The following KLRG1 variants were observed in gnomAD, a reference collection of about 807,000 sequenced individuals.
KLRG1 encodes killer cell lectin-like receptor subfamily G member 1.
Under a neutral mutation model 21.8 loss-of-function variants are expected in KLRG1, and 16 were observed. That is an observed-to-expected ratio of 0.73 (90% CI 0.50 to 1.11). The LOEUF (loss-of-function observed/expected upper bound fraction) is 1.11. Ranked by LOEUF, KLRG1 falls within the 50% of genes most tolerant of loss-of-function variation. The pLI, the probability that KLRG1 is intolerant of heterozygous loss-of-function variation, is 0.00. For missense variants in KLRG1, 173 were observed against 218.3 expected, an observed-to-expected ratio of 0.79 and a Z score of 1.31; for synonymous variants, 69 against 75.9, an observed-to-expected ratio of 0.91 and a Z score of 0.47.
chr12:9,098,582 AT>A, the KLRG1 span: 1 of 1,578,512 alleles, frequency 6.3e-7, no homozygotes. Context: ...GCCCTTCTTG[AT>A]TCCTGAGGCT....
chr12:9,008,736 C>T (rs1947550659), intron 3 of KLRG1, among the ~76,000 whole-genome samples: 1 of 152,202 alleles, frequency 6.6e-6, no homozygotes, highest in African/African-American at 2.4e-5. Flanking sequence ...GCCTCATCTA[C>T]ACCTAATTAC....
chr12:9,136,294 G>A, the KLRG1 span, among the ~76,000 whole-genome samples: 1 of 152,168 alleles, frequency 6.6e-6, no homozygotes, highest in African/African-American at 2.4e-5. Context: ...GAAATTGGAG[G>A]TCTGGTTTGT....
the KLRG1 span, among the ~76,000 whole-genome samples, chr12:9,129,874 A>G: frequency 2.0e-5 from 3 of 152,220 alleles, no homozygotes; most frequent in Non-Finnish European, 4.4e-5. Flanking sequence ...ACAGTTTAGT[A>G]GTGTAAAGTA....
chr12:9,169,341 A>G, the KLRG1 span: 3 of 1,266,486 alleles, frequency 2.4e-6, no homozygotes, highest in Non-Finnish European at 3.2e-6. Flanking sequence ...GCAAGGCTAC[A>G]TAATTACTAA....
At chr12:9,163,754 G>T in the KLRG1 span, 1 of 1,613,502 alleles carries the variant, frequency 6.2e-7, no homozygotes, top group Non-Finnish European at 8.5e-7. Context: ...TCTAAGGACT[G>T]CATTGCCTCT....
At chr12:9,134,268 T>A in the KLRG1 span, among the ~76,000 whole-genome samples, 1 of 152,204 alleles carries the variant, frequency 6.6e-6, no homozygotes, top group African/African-American at 2.4e-5. Context: ...AGTGCTTGAC[T>A]CCGGTCTCAA....
the KLRG1 span, chr12:9,162,521 G>T: frequency 1.0e-6 from 1 of 982,166 alleles, no homozygotes; most frequent in Non-Finnish European, 1.6e-6. Context: ...GAGATAAAAT[G>T]AATGTGCATT....
intron 3 of KLRG1, among the ~76,000 whole-genome samples, chr12:9,003,398 T>C (rs1947363948): frequency 6.6e-6 from 1 of 152,200 alleles, no homozygotes; most frequent in Admixed American, 6.5e-5. Flanking sequence ...AAATTTTATA[T>C]ACTTTGAATG....
intron 1 of KLRG1, among the ~76,000 whole-genome samples, chr12:8,955,938 CT>C (rs1946285014): frequency 6.6e-6 from 1 of 152,054 alleles, no homozygotes; most frequent in Non-Finnish European, 1.5e-5. Flanking sequence ...TCAAATGGTG[CT>C]TTTTCCAGGC....
the KLRG1 span, among the ~76,000 whole-genome samples, chr12:9,113,105 CT>C: frequency 0.54 from 78,311 of 143,784 alleles, 22,287 homozygotes; most frequent in African/African-American, 0.72. Flanking sequence ...GTCACATTTT[CT>C]TTTTTTTTTT....
the KLRG1 span, chr12:9,073,011 T>C: frequency 1.9e-5 from 12 of 644,352 alleles, no homozygotes; most frequent in East Asian, 2.7e-5. Flanking sequence ...AATTTCAAGA[T>C]TGATTATAAT....
the KLRG1 span, among the ~76,000 whole-genome samples, chr12:9,133,886 T>A: frequency 5.9e-5 from 9 of 152,236 alleles, no homozygotes; most frequent in Non-Finnish European, 1.3e-4. Flanking sequence ...ACAAGCAGCA[T>A]AGATCTAAAT....
chr12:9,127,499 T>TGAG, the KLRG1 span, among the ~76,000 whole-genome samples: 1 of 152,202 alleles, frequency 6.6e-6, no homozygotes, highest in Non-Finnish European at 1.5e-5. Flanking sequence ...TGCAGCTCCT[T>TGAG]GAACCGTTCT....
intron 2 of KLRG1, among the ~76,000 whole-genome samples, chr12:8,993,303 T>C (rs1947031682): frequency 6.6e-6 from 1 of 152,084 alleles, no homozygotes; most frequent in Non-Finnish European, 1.5e-5. Context: ...TTTTTAAAAA[T>C]TTTGAGACAG....
At chr12:9,152,801 G>A in the KLRG1 span, 2 of 1,606,792 alleles carry the variant, frequency 1.2e-6, no homozygotes, top group Non-Finnish European at 1.7e-6. Context: ...CCAAAGATAG[G>A]TGATTAGGTT....
chr12:9,186,186 A>T, the KLRG1 span, among the ~76,000 whole-genome samples: 1 of 152,188 alleles, frequency 6.6e-6, no homozygotes, highest in Admixed American at 6.5e-5. Context: ...GAGAAATAAG[A>T]TGCTTCTCAG....
At position 8,989,580 on chromosome 12, in the gene KLRG1, C is replaced by G; in HGVS notation, c.-56C>G. The G allele has an allele frequency of 8.7e-7, 1 of 1,144,150 alleles. No individual in the cohort carries two copies. The highest frequency in any genetic ancestry group is 1.3e-6 in the Non-Finnish European group (1 of 764,342). The allele number at this position is 1,144,150 out of a possible 1,614,324, so 70.9% of individuals were successfully genotyped here. A position where few individuals can be genotyped will look rare whatever the true frequency, so the allele number is the denominator to read the frequency against. On this transcript the variant is annotated 5_prime_UTR_variant, in exon 1 of 5. Transcript: ENST00000356986. ...GCTGTTTCCTCACTGATACATATCC[C>G]TTCACACTTCTATAATTTAACTCTC...
the KLRG1 span, among the ~76,000 whole-genome samples, chr12:9,040,701 C>T: frequency 1.4e-4 from 21 of 152,174 alleles, no homozygotes; most frequent in Non-Finnish European, 2.5e-4. Context: ...TCACTATTGT[C>T]TCTGGGGTTG....
chr12:9,029,884 G>A, the KLRG1 span, among the ~76,000 whole-genome samples: 1 of 152,082 alleles, frequency 6.6e-6, no homozygotes, highest in Non-Finnish European at 1.5e-5. Flanking sequence ...GGCCTCCCGA[G>A]TAGCTGGGAT....
Sources: gnomAD v4.1 joint callset for allele counts (sites outside exome capture counted in the v4.1 genomes callset) on GRCh38, gnomAD v4.1.1 for gene constraint, MANE v1.5 for transcripts, NCBI Gene and HGNC (gene_info 2026-07-23, HGNC 2026-07-21) for gene names.